NELL2: variants seen among roughly 807,000 people sequenced by gnomAD.
NELL2 encodes neural EGFL like 2, also known as protein kinase C-binding protein NELL2.
Under a neutral mutation model 109.6 loss-of-function variants are expected in NELL2, and 41 were observed. That is an observed-to-expected ratio of 0.37 (90% CI 0.29 to 0.49). The LOEUF is 0.49. NELL2 is among the 20% of genes least tolerant of loss of function. NELL2 has a pLI of 0.98. For synonymous variants in NELL2, 355 were observed against 344.7 expected (o/e 1.03, Z -0.33); for missense variants, 900 against 1,008.3 (o/e 0.89, Z 1.45).
intron 16 of NELL2, chr12:44,532,375 G>T (rs1386069691): frequency 2.1e-5 from 8 of 384,668 alleles, no homozygotes; most frequent in Non-Finnish European, 3.6e-5. Flanking sequence ...AACTGGGTTA[G>T]TGTCACAAAC....
chr12:44,749,223 G>T (rs1437694249), intron 9 of NELL2, among the ~76,000 whole-genome samples: 1 of 152,016 alleles, frequency 6.6e-6, no homozygotes, highest in African/African-American at 2.4e-5. Flanking sequence ...ATTTCCCTCG[G>T]GAAGTCAGTA....
At chr12:44,665,712 GC>G (rs1947902112) in intron 12 of NELL2, 103 bp from the exon 13 acceptor site, 2 of 1,258,642 alleles carry the variant, frequency 1.6e-6, no homozygotes, top group Non-Finnish European at 1.1e-6. Context: ...TAAATGAATA[GC>G]ATTTCAGAAA....
intron 9 of NELL2, among the ~76,000 whole-genome samples, chr12:44,725,527 C>A (rs1320224903): frequency 2.0e-5 from 3 of 152,152 alleles, no homozygotes; most frequent in Non-Finnish European, 4.4e-5. Flanking sequence ...AAATATAAAT[C>A]TTTCTACCAT....
intron 15 of NELL2, among the ~76,000 whole-genome samples, chr12:44,561,620 A>C (rs1380247082): frequency 6.6e-6 from 1 of 152,214 alleles, no homozygotes; most frequent in Non-Finnish European, 1.5e-5. Flanking sequence ...ATGGGATGTG[A>C]AAGACCTCCT....
intron 5 of NELL2, among the ~76,000 whole-genome samples, chr12:44,778,640 G>A (rs750067397): frequency 3.3e-5 from 5 of 152,114 alleles, no homozygotes; most frequent in Non-Finnish European, 7.4e-5. Flanking sequence ...TGGGAAAAGC[G>A]CATGGTTTTA....
chr12:44,834,436 C>CTTTTT (rs36048159), intron 2 of NELL2, among the ~76,000 whole-genome samples: 2 of 131,552 alleles, frequency 1.5e-5, no homozygotes, highest in East Asian at 4.6e-4. Flanking sequence ...CACACGCATT[C>CTTTTT]TTTTTTTTTT....
intron 2 of NELL2, among the ~76,000 whole-genome samples, chr12:44,819,766 T>C (rs1324944930): frequency 6.6e-6 from 1 of 152,160 alleles, no homozygotes; most frequent in Non-Finnish European, 1.5e-5. Flanking sequence ...ATGGGATGGC[T>C]TGCAGGAAGG....
chr12:44,742,470 C>A (rs370983577), intron 9 of NELL2, among the ~76,000 whole-genome samples: 1 of 152,158 alleles, frequency 6.6e-6, no homozygotes, highest in Non-Finnish European at 1.5e-5. Flanking sequence ...ATGACTTTGA[C>A]GAGTTGAGAG....
At chr12:44,890,896 AATTTCT>A (rs1466949469) in intron 1 of NELL2, among the ~76,000 whole-genome samples, 13 of 152,046 alleles carry the variant, frequency 8.6e-5, no homozygotes, top group African/African-American at 2.9e-4. Flanking sequence ...ATGCCAGGCT[AATTTCT>A]GTATTTCTGT....
intron 9 of NELL2, among the ~76,000 whole-genome samples, chr12:44,766,888 T>C (rs1366202735): frequency 1.3e-5 from 2 of 152,170 alleles, no homozygotes; most frequent in South Asian, 2.1e-4. Context: ...AGACATTCTT[T>C]TGAGAAAGTG....
intron 15 of NELL2, among the ~76,000 whole-genome samples, chr12:44,594,429 T>C (rs570411620): frequency 9.2e-5 from 14 of 152,132 alleles, no homozygotes; most frequent in Non-Finnish European, 1.9e-4. Flanking sequence ...GGAGAAAATA[T>C]CATGTCAAGA....
At chr12:44,704,809 A>C (rs1349653212) in intron 11 of NELL2, among the ~76,000 whole-genome samples, 4 of 152,042 alleles carry the variant, frequency 2.6e-5, no homozygotes, top group Non-Finnish European at 5.9e-5. Context: ...ATTTAAGATC[A>C]GGAGTTGGAG....
At chr12:44,618,653 CAA>C (rs922657919) in intron 13 of NELL2, among the ~76,000 whole-genome samples, 1 of 152,058 alleles carries the variant, frequency 6.6e-6, no homozygotes, top group African/African-American at 2.4e-5. Flanking sequence ...CTGGAGAGTG[CAA>C]AGATGGATAA....
At chr12:44,576,334 T>C (rs919451671) in intron 15 of NELL2, among the ~76,000 whole-genome samples, 1 of 152,326 alleles carries the variant, frequency 6.6e-6, no homozygotes, top group Admixed American at 6.5e-5. Context: ...TAGGTCTCTT[T>C]CCTCACTAAA....
At chr12:44,887,893 CA>C (rs1487471034) in intron 1 of NELL2, among the ~76,000 whole-genome samples, 4 of 151,978 alleles carry the variant, frequency 2.6e-5, no homozygotes, top group Non-Finnish European at 5.9e-5. Context: ...AGGTCTTACA[CA>C]AAAACTCTTT....
Position 44,520,797 on chromosome 12 carries a change from T to C in NELL2, c.2176-568A>G, listed in dbSNP as rs77969289. ...TCCTTTTTAATTCCACACAGGAAAATTGTGTGAATTGGATCTTTTTAAAAA... is the reference window on the plus strand; with the variant it reads ...TCCTTTTTAATTCCACACAGGAAAACTGTGTGAATTGGATCTTTTTAAAAA... On this transcript the variant is annotated intron_variant, in intron 18 of 19. Coordinates refer to ENST00000429094, the MANE Select transcript of NELL2 (RefSeq NM_001145108.2). 5.2e-3 allele frequency among the ~76,000 whole-genome samples: 798 copies of C among 152,274 alleles called. 9 individuals carry two copies. The highest frequency in any genetic ancestry group is 0.017 in the African/African-American group (691 of 41,546).
chr12:44,643,338 G>C (rs1012791813), intron 13 of NELL2, among the ~76,000 whole-genome samples: 24 of 152,140 alleles, frequency 1.6e-4, no homozygotes, highest in African/African-American at 5.8e-4. Context: ...GTGAAATATT[G>C]ATATGATAAA....
rs771669487 is a variant in NELL2, at chr12:44,774,782, G to A, written c.959C>T (p.Ala320Val). ...NPDCPLKSALAYVDGKCCKEC... is the reference protein window; with the variant it reads ...NPDCPLKSALVYVDGKCCKEC... Reference sequence around the variant, plus strand: ...CTTACAGCATTTGCCATCCACATACGCAAGAGCCGACTTAAGTGGGCAGTC... The same window carrying A: ...CTTACAGCATTTGCCATCCACATACACAAGAGCCGACTTAAGTGGGCAGTC... The change falls in exon 9 of 20, where the codon GCG becomes GTG. Residue 320 changes from alanine to valine, a missense_variant. Coordinates refer to ENST00000429094, the MANE Select transcript of NELL2 (RefSeq NM_001145108.2). 34 of 1,613,860 alleles carry A rather than the reference G, an allele frequency of 2.1e-5. No individual in the cohort carries two copies. The highest frequency in any genetic ancestry group is 3.3e-4 in the Middle Eastern group (2 of 6,084).
intron 15 of NELL2, among the ~76,000 whole-genome samples, chr12:44,582,105 G>C (rs1201444058): frequency 6.6e-6 from 1 of 152,184 alleles, no homozygotes; most frequent in Non-Finnish European, 1.5e-5. Context: ...ATAGTAGGAG[G>C]AGGGTGGGTA....
Sources: allele counts gnomAD v4.1 joint callset (sites outside exome capture counted in the v4.1 genomes callset), GRCh38; gene constraint gnomAD v4.1.1; transcripts MANE v1.5; gene names NCBI Gene and HGNC (gene_info 2026-07-23, HGNC 2026-07-21).